Variants in TBC1D22A observed in about 807,000 individuals in gnomAD.
TBC1D22A encodes the protein putative GTPase activator.
TBC1D22A carries 38 observed loss-of-function variants against 60.2 expected under a neutral mutation model. The ratio of observed to expected loss-of-function variants is 0.63; its 90% confidence interval spans 0.49 to 0.83. TBC1D22A has a LOEUF of 0.83. Among genes scored for constraint, TBC1D22A ranks in the 40% least tolerant of loss-of-function variants. TBC1D22A has a pLI of 0.00. For missense variants in TBC1D22A, 628 were observed against 701.0 expected (o/e 0.90, Z 1.18); for synonymous variants, 302 against 281.7 (o/e 1.07, Z -0.72).
chr22:46,807,179 G>C (rs186921683), intron 4 of TBC1D22A, among the ~76,000 whole-genome samples: 1 of 152,156 alleles, frequency 6.6e-6, no homozygotes, highest in Non-Finnish European at 1.5e-5. Context: ...CACCACCAGC[G>C]TGGAACGATG....
At chr22:46,762,905 G>T in intron 1 of TBC1D22A, 57 bp downstream of exon 1, 3 of 1,440,878 alleles carry the variant, frequency 2.1e-6, no homozygotes, top group South Asian at 1.4e-5. Flanking sequence ...AGGTGGCCGC[G>T]TTGGCCTCCT....
At position 47,009,546 on chromosome 22, in the gene TBC1D22A, A is replaced by G. The variant is rs1432056459; in HGVS notation, c.1201+11837A>G. On this transcript the variant is annotated intron_variant, in intron 10 of 12. Transcript: ENST00000337137. This position sits in a 1 kb window ranked among gnomAD's most constrained non-coding sequence, Gnocchi z 5.8. ...CATCACCATCATCATCATTGCCATC[A>G]TCACCATCATTACGTCATCACCAGC... Among the ~76,000 whole-genome samples the G allele has an allele frequency of 6.6e-6, 1 of 151,054 alleles. No individual in the cohort carries two copies. The highest frequency in any genetic ancestry group is 2.4e-5 in the African/African-American group (1 of 40,914).
At chr22:46,913,554 A>G (rs2070122727) in intron 8 of TBC1D22A, 1 of 1,209,750 alleles carries the variant, frequency 8.3e-7, no homozygotes, top group African/African-American at 1.6e-5. Context: ...CTCACTCCCT[A>G]ATCATCTCTT....
At chr22:46,834,278 C>G (rs538272181) in intron 4 of TBC1D22A, among the ~76,000 whole-genome samples, 3 of 152,012 alleles carry the variant, frequency 2.0e-5, no homozygotes, top group Non-Finnish European at 4.4e-5. Flanking sequence ...CAGCCCTCAT[C>G]CCCCCCAGCA....
In TBC1D22A at chr22:46,858,987, C is replaced by CCG. The variant is rs1569139864; in HGVS notation, c.638-19666_638-19665insCG. On this transcript the variant is annotated intron_variant, in intron 4 of 12. Transcript: ENST00000337137. ...CTTTTCGATAGAGGTCTGTGTAGTG[C>CCG]TGTGCCCCTTCCCGGGACCAGAATC... Among the ~76,000 whole-genome samples, 315 of 146,182 alleles carry CCG rather than the reference C, an allele frequency of 2.2e-3. 59 individuals are homozygous for CCG. The highest frequency in any genetic ancestry group is 5.0e-3 in the African/African-American group (198 of 39,944).
chr22:46,842,428 T>C (rs527455332), intron 4 of TBC1D22A, among the ~76,000 whole-genome samples: 128 of 151,280 alleles, frequency 8.5e-4, no homozygotes, highest in Non-Finnish European at 4.4e-5. Flanking sequence ...ATATAGAGTA[T>C]GTTAGGTCTC....
intron 10 of TBC1D22A, among the ~76,000 whole-genome samples, chr22:47,034,294 G>A (rs971856619): frequency 2.0e-5 from 3 of 152,170 alleles, no homozygotes; most frequent in Non-Finnish European, 4.4e-5. Flanking sequence ...TGTCCTTCCT[G>A]TCTCTGTGAG....
chr22:47,119,644 G>A (rs1441699328), intron 12 of TBC1D22A, among the ~76,000 whole-genome samples: 3 of 152,020 alleles, frequency 2.0e-5, no homozygotes, highest in East Asian at 1.9e-4. Context: ...CTACAGGCAC[G>A]TGGCAGCACG....
At chr22:46,872,395 A>G (rs553021710) in intron 4 of TBC1D22A, among the ~76,000 whole-genome samples, 2 of 152,372 alleles carry the variant, frequency 1.3e-5, no homozygotes, top group African/African-American at 2.4e-5. Flanking sequence ...TATGATGAAT[A>G]TAGACAAAAA....
intron 5 of TBC1D22A, among the ~76,000 whole-genome samples, chr22:46,885,149 G>A (rs539373351): frequency 6.6e-6 from 1 of 152,302 alleles, no homozygotes; most frequent in African/African-American, 2.4e-5. Context: ...TCTGTATCCA[G>A]GGCTGAGCAG....
chr22:47,130,490 G>A (rs1268329104), intron 12 of TBC1D22A, among the ~76,000 whole-genome samples: 2 of 152,230 alleles, frequency 1.3e-5, no homozygotes, highest in African/African-American at 2.4e-5. Flanking sequence ...CTCTCTGGAT[G>A]GAGGGTGGAG....
intron 4 of TBC1D22A, among the ~76,000 whole-genome samples, chr22:46,821,053 CTTTTT>C (rs139587): frequency 8.1e-6 from 1 of 123,954 alleles, no homozygotes; most frequent in Admixed American, 8.2e-5. Flanking sequence ...GCAACCCCTG[CTTTTT>C]TTTTTTTTTT....
chr22:46,906,688 G>C (rs5767402), intron 7 of TBC1D22A, among the ~76,000 whole-genome samples: 1 of 151,892 alleles, frequency 6.6e-6, no homozygotes, highest in Non-Finnish European at 1.5e-5. Flanking sequence ...AAGGCTGCTC[G>C]CTCCGTTTCT....
intron 9 of TBC1D22A, among the ~76,000 whole-genome samples, chr22:46,994,578 A>G (rs2075055950): frequency 6.6e-6 from 1 of 152,234 alleles, no homozygotes; most frequent in African/African-American, 2.4e-5. Flanking sequence ...GCAGTCCCTC[A>G]GGACAGACCA....
chr22:47,049,872 C>T (rs566823071), intron 11 of TBC1D22A, among the ~76,000 whole-genome samples: 23 of 152,164 alleles, frequency 1.5e-4, no homozygotes, highest in Non-Finnish European at 1.6e-4. Flanking sequence ...GAAATAGTCC[C>T]GTAAAAGAGG....
intron 1 of TBC1D22A, among the ~76,000 whole-genome samples, chr22:46,764,871 C>G (rs2083232194): frequency 6.6e-6 from 1 of 152,168 alleles, no homozygotes; most frequent in South Asian, 2.1e-4. Flanking sequence ...GAGCATGGCC[C>G]TGCAGATGAC....
chr22:47,166,851 G>A (rs2068228039), intron 12 of TBC1D22A, among the ~76,000 whole-genome samples: 1 of 152,242 alleles, frequency 6.6e-6, no homozygotes, highest in Non-Finnish European at 1.5e-5. Flanking sequence ...ACAGGTGGGA[G>A]CTGGTGCTCC....
chr22:46,935,292 CTT>C (rs2071580896), intron 8 of TBC1D22A, among the ~76,000 whole-genome samples: 1 of 152,200 alleles, frequency 6.6e-6, no homozygotes, highest in African/African-American at 2.4e-5. Context: ...AAATTAGAAA[CTT>C]TGGTTGAACA....
At chr22:46,961,549 T>G (rs1048294358) in intron 8 of TBC1D22A, among the ~76,000 whole-genome samples, 1 of 152,250 alleles carries the variant, frequency 6.6e-6, no homozygotes, top group African/African-American at 2.4e-5. Flanking sequence ...TAGTGAAGTT[T>G]CCAGATTTCC....
Sources: gnomAD v4.1 joint callset for allele counts (sites outside exome capture counted in the v4.1 genomes callset) on GRCh38, gnomAD v4.1.1 for gene constraint, Gnocchi (gnomAD v3.1) non-coding constraint, MANE v1.5 for transcripts, NCBI Gene and HGNC (gene_info 2026-07-23, HGNC 2026-07-21) for gene names.